The following GAS7 variants were observed in gnomAD, a reference collection of about 807,000 sequenced individuals.
GAS7 encodes growth arrest-specific protein 7.
GAS7 carries 28 observed loss-of-function variants against 71.1 expected under a neutral mutation model. That is an observed-to-expected ratio of 0.39 (90% CI 0.29 to 0.54). GAS7 has a LOEUF of 0.54. GAS7 is among the 20% of genes least tolerant of loss of function. The probability of loss-of-function intolerance (pLI) is 0.62; values close to 1 mark genes in which losing one functional copy is unlikely to be tolerated. For synonymous variants in GAS7, 258 were observed against 245.8 expected, an observed-to-expected ratio of 1.05 and a Z score of -0.46; for missense variants, 436 against 627.8, an observed-to-expected ratio of 0.69 and a Z score of 3.27.
At chr17:9,940,497 A>G (rs2068564126) in intron 7 of GAS7, among the ~76,000 whole-genome samples, 1 of 152,214 alleles carries the variant, frequency 6.6e-6, no homozygotes, top group African/African-American at 2.4e-5. Flanking sequence ...CTAGCACAGA[A>G]CGGGAAACAT....
chr17:10,133,122 A>ATATATATATATATATATTTT (rs1392845338), intron 1 of GAS7, among the ~76,000 whole-genome samples: 17 of 118,884 alleles, frequency 1.4e-4, no homozygotes, highest in African/African-American at 4.8e-4. Context: ...ATATTTTTAT[A>ATATATATATATATATATTTT]TTTTTTTTTT....
chr17:10,119,035 G>A (rs1185815079), intron 1 of GAS7, among the ~76,000 whole-genome samples: 9 of 152,304 alleles, frequency 5.9e-5, no homozygotes, highest in Non-Finnish European at 1.2e-4. Context: ...TGCACCAGGC[G>A]CTGTTTCTAA....
At chr17:9,967,561 T>C (rs1374832266) in intron 4 of GAS7, among the ~76,000 whole-genome samples, 2 of 113,812 alleles carry the variant, frequency 1.8e-5, no homozygotes, top group Non-Finnish European at 3.8e-5. Context: ...TATAGATAAG[T>C]ATAGATTTCC....
chr17:9,910,729 G>T lies in GAS7; in HGVS notation c.*6499C>A, dbSNP rs546893689. 32 of 221,046 alleles carry T rather than the reference G, an allele frequency of 1.4e-4. 1 individual carries two copies. The South Asian group carries it at 5.9e-3, about 41-fold the overall frequency. The allele number at this position is 221,046 out of a possible 1,614,324, so 13.7% of individuals were successfully genotyped here. On this transcript the variant is annotated 3_prime_UTR_variant, in exon 14 of 14. Transcript: ENST00000432992. ...AATACACACAAATGCGGTAACAGGG[G>T]TCAGGGGGGTGGTGCGGGGGCAGGT...
intron 1 of GAS7, among the ~76,000 whole-genome samples, chr17:10,119,118 CAT>C (rs1012922073): frequency 2.0e-4 from 30 of 152,142 alleles, no homozygotes; most frequent in African/African-American, 7.2e-4. Flanking sequence ...ACGGCTCCAG[CAT>C]GAGGTGGGAA....
intron 1 of GAS7, among the ~76,000 whole-genome samples, chr17:10,035,821 G>A (rs1597732882): frequency 6.6e-6 from 1 of 152,156 alleles, no homozygotes; most frequent in Non-Finnish European, 1.5e-5. Flanking sequence ...CCACCAAGCT[G>A]GAAAGATGTC....
At chr17:10,140,392 T>C (rs1360223523) in intron 1 of GAS7, among the ~76,000 whole-genome samples, 1 of 152,022 alleles carries the variant, frequency 6.6e-6, no homozygotes, top group Non-Finnish European at 1.5e-5. Context: ...AGTCCGGGGG[T>C]TGAGGCTGCA....
intron 1 of GAS7, among the ~76,000 whole-genome samples, chr17:10,062,955 G>T (rs1356943087): frequency 1.3e-5 from 2 of 152,268 alleles, no homozygotes; most frequent in East Asian, 3.8e-4. Context: ...CCCAGGGGAA[G>T]GCAGGGATGT....
chr17:9,915,501 C>T lies in GAS7; in HGVS notation c.*1727G>A, dbSNP rs2067559377. The T allele has an allele frequency of 4.4e-6, 1 of 228,920 alleles. No homozygotes were observed. Among genetic ancestry groups the T allele is most frequent in the Non-Finnish European group, 8.7e-6 (1 of 115,288 alleles). The allele number at this position is 228,920 out of a possible 1,614,324, so 14.2% of individuals were successfully genotyped here. A position where few individuals can be genotyped will look rare whatever the true frequency, so the allele number is the denominator to read the frequency against. ...ACGTAGGTGAAGGCCTTTGTGCTGACCTTTTTGGTTGCAATGTTTCAAGAA... is the reference window on the plus strand; with the variant it reads ...ACGTAGGTGAAGGCCTTTGTGCTGATCTTTTTGGTTGCAATGTTTCAAGAA... On this transcript the variant is annotated 3_prime_UTR_variant, in exon 14 of 14. Transcript: ENST00000432992.
intron 1 of GAS7, among the ~76,000 whole-genome samples, chr17:10,157,427 C>T (rs996775640): frequency 6.6e-6 from 1 of 152,222 alleles, no homozygotes; most frequent in African/African-American, 2.4e-5. Context: ...CCTCTGGCAG[C>T]CGTTGGTCAA....
At chr17:10,047,444 A>G (rs1567567760) in intron 1 of GAS7, among the ~76,000 whole-genome samples, 1 of 152,224 alleles carries the variant, frequency 6.6e-6, no homozygotes, top group Non-Finnish European at 1.5e-5. Context: ...CAGTGTGCCA[A>G]GGCTAGTGAC....
intron 1 of GAS7, among the ~76,000 whole-genome samples, chr17:10,063,723 C>T (rs1475522382): frequency 6.6e-6 from 1 of 152,184 alleles, no homozygotes; most frequent in African/African-American, 2.4e-5. Context: ...GAACTCTTAA[C>T]TCATCACCTC....
chr17:10,101,558 C>T (rs1330436595), intron 1 of GAS7, among the ~76,000 whole-genome samples: 2 of 152,222 alleles, frequency 1.3e-5, no homozygotes, highest in Non-Finnish European at 2.9e-5. Context: ...ATCTCTAGAA[C>T]AGGCGGTACC....
intron 1 of GAS7, among the ~76,000 whole-genome samples, chr17:10,028,776 T>C (rs1018905730): frequency 2.8e-4 from 42 of 151,922 alleles, no homozygotes; most frequent in Non-Finnish European, 5.9e-4. Context: ...AAAATGCACA[T>C]TGGTTGCAAT....
chr17:10,172,486 A>G (rs1190795914), intron 1 of GAS7, among the ~76,000 whole-genome samples: 1 of 152,262 alleles, frequency 6.6e-6, no homozygotes, highest in Non-Finnish European at 1.5e-5. Context: ...CAAATGGAGC[A>G]ATTAGCAAAA....
At chr17:10,056,755 C>T (rs911334522) in intron 1 of GAS7, among the ~76,000 whole-genome samples, 65 of 151,840 alleles carry the variant, frequency 4.3e-4, no homozygotes, top group African/African-American at 1.4e-3. Context: ...TCCCTCCCCA[C>T]GATCTCCCTC....
chr17:9,914,416 C>T lies in GAS7; in HGVS notation c.*2812G>A, dbSNP rs149839328. ...TAATTTTTTGTATTTTTAGCAGAGA[C>T]GGGGTTTCACCATGTTAGCCAGGAT... On this transcript the variant is annotated 3_prime_UTR_variant, in exon 14 of 14. Coordinates refer to ENST00000432992, the MANE Select transcript of GAS7 (RefSeq NM_201433.2). 4.5e-5 allele frequency: 8 copies of T among 179,768 alleles called. No homozygotes were observed. Among genetic ancestry groups the T allele is most frequent in the South Asian group, 2.0e-4 (1 of 5,046 alleles). 11.1% of individuals were successfully genotyped at this position (179,768 alleles called of 1,614,324 possible).
Position 9,911,326 on chromosome 17 carries a change from C to CA in GAS7, c.*5901dup. The stretch of plus-strand genomic sequence containing the variant: ...GGGCCAGTCCTGTGCTCTCCCCCTG[C>CA]ATAGCAGGCTTTCCCTCTAGGTCTC... On this transcript the variant is annotated 3_prime_UTR_variant, in exon 14 of 14. Coordinates refer to ENST00000432992, the MANE Select transcript of GAS7 (RefSeq NM_201433.2). This position sits in a 1 kb window ranked among gnomAD's most constrained non-coding sequence, Gnocchi z 4.0. 4.3e-6 allele frequency: 1 copy of CA among 233,512 alleles called. No individual in the cohort carries two copies. The highest frequency in any genetic ancestry group is 8.5e-6 in the Non-Finnish European group (1 of 118,196). The allele number at this position is 233,512 out of a possible 1,614,324, so 14.5% of individuals were successfully genotyped here.
chr17:10,196,133 T>C (rs1413218824), intron 1 of GAS7, among the ~76,000 whole-genome samples: 1 of 152,152 alleles, frequency 6.6e-6, no homozygotes. Context: ...GCATGCCCCT[T>C]TTCCCCATGG....
Sources: allele counts gnomAD v4.1 joint callset (sites outside exome capture counted in the v4.1 genomes callset), GRCh38; gene constraint gnomAD v4.1.1; non-coding constraint Gnocchi (gnomAD v3.1); transcripts MANE v1.5; gene names NCBI Gene and HGNC (gene_info 2026-07-23, HGNC 2026-07-21).